Variants in TECPR2 observed in about 807,000 individuals in gnomAD.
TECPR2 encodes the protein tectonin beta-propeller repeat-containing protein 2.
Under a neutral mutation model 138.1 loss-of-function variants are expected in TECPR2, and 65 were observed. The ratio of observed to expected loss-of-function variants is 0.47; its 90% CI spans 0.39 to 0.58. The LOEUF (loss-of-function observed/expected upper bound fraction) is 0.58, where lower values mean the gene tolerates loss of function less well. TECPR2 is among the 20% of genes least tolerant of loss of function. The pLI, the probability that TECPR2 is intolerant of heterozygous loss-of-function variation, is 0.00. For synonymous variants in TECPR2, 746 were observed against 749.8 expected, an observed-to-expected ratio of 0.99 and a Z score of 0.08; for missense variants, 1,553 against 1,824.5, an observed-to-expected ratio of 0.85 and a Z score of 2.71.
Position 102,497,071 on chromosome 14 carries a change from C to T in TECPR2, c.3882C>T (p.Thr1294=), listed in dbSNP as rs145556234. 4.9e-5 allele frequency: 79 copies of T among 1,613,460 alleles called. No individual in the cohort carries two copies. In the East Asian group the frequency reaches 7.4e-4, roughly 15 times the overall value. Residue 1294 remains threonine, a synonymous_variant, in exon 18 of 20, where the codon ACC becomes ACT. Transcript: ENST00000359520. ...GCAGGTGGAACGTGCACGTGCGGAC[C>T]GGGATCACCGAGGAGATGCCTGTGG... The part of the protein sequence containing the change: ...LDSRWNVHVR[T]GITEEMPVGT...
chr14:102,362,980 T>A lies in TECPR2; in HGVS notation c.-209T>A. On this transcript the variant is annotated 5_prime_UTR_variant, in exon 1 of 20. Transcript: ENST00000359520. ...CGCTCTAGCCCCCGGCGGAGCCAGC[T>A]GCTGCTCTTCGGTGCTGGCCCCGGT... is the stretch of plus-strand genomic sequence containing the variant. The A allele has an allele frequency of 5.4e-6, 7 of 1,284,974 alleles. No individual in the cohort carries two copies. The highest frequency in any genetic ancestry group is 7.7e-6 in the Non-Finnish European group (7 of 911,360). 79.6% of individuals were successfully genotyped at this position (1,284,974 alleles called of 1,614,324 possible).
At chr14:102,422,104 G>A (rs755368175) in intron 5 of TECPR2, among the ~76,000 whole-genome samples, 28 of 152,238 alleles carry the variant, frequency 1.8e-4, no homozygotes, top group Middle Eastern at 3.4e-3. Context: ...GCAACCCAGC[G>A]ATTACCCCAC....
At chr14:102,371,788 A>G (rs1173263230) in intron 1 of TECPR2, among the ~76,000 whole-genome samples, 1 of 152,232 alleles carries the variant, frequency 6.6e-6, no homozygotes, top group Non-Finnish European at 1.5e-5. Flanking sequence ...TGGTTTATCC[A>G]TACAGTGTGT....
intron 10 of TECPR2, chr14:102,438,476 C>G: frequency 2.8e-6 from 1 of 362,128 alleles, no homozygotes. Flanking sequence ...AAGCTCTGAT[C>G]GTATTTTTGT....
intron 4 of TECPR2, 115 bp downstream of exon 4, chr14:102,408,734 C>T (rs1029894651): frequency 3.5e-6 from 4 of 1,133,750 alleles, no homozygotes; most frequent in Non-Finnish European, 4.9e-6. Context: ...CCTTTATAAT[C>T]TCAATTGTTA....
intron 17 of TECPR2, among the ~76,000 whole-genome samples, chr14:102,490,859 G>A (rs553581059): frequency 4.7e-4 from 72 of 152,270 alleles, no homozygotes; most frequent in Non-Finnish European, 8.4e-4. Context: ...GTCCTCAGAC[G>A]ACATGTGCTA....
At chr14:102,433,912 A>G (rs565711110) in intron 8 of TECPR2, among the ~76,000 whole-genome samples, 1 of 152,278 alleles carries the variant, frequency 6.6e-6, no homozygotes, top group East Asian at 1.9e-4. Context: ...TCTAGCTAAG[A>G]TGACTGCAAC....
Position 102,425,101 on chromosome 14 carries a change from C to T in TECPR2, c.761C>T (p.Thr254Met), listed in dbSNP as rs1346814772. The change falls in exon 6 of 20, where the codon ACG (threonine) becomes ATG (methionine). Residue 254 changes from threonine (T) to methionine (M), a missense_variant. Thr to Met is a moderately conservative substitution (Grantham distance 81). Transcript: ENST00000359520. ...KADVHGTVQA[T>M]FILKDAFAGG... ...GATGTCCACGGGACTGTTCAAGCCA[C>T]GTTTATCTTAAAAGATGCTTTTGCC... 1.2e-6 allele frequency: 2 copies of T among 1,614,000 alleles called. No homozygotes were observed. Among genetic ancestry groups the T allele is most frequent in the Non-Finnish European group, 1.7e-6 (2 of 1,180,050 alleles).
intron 13 of TECPR2, among the ~76,000 whole-genome samples, chr14:102,448,830 G>A (rs1190405277): frequency 1.3e-5 from 2 of 151,868 alleles, no homozygotes; most frequent in East Asian, 3.9e-4. Flanking sequence ...TTGCACCACT[G>A]CACTCCAGCC....
intron 17 of TECPR2, among the ~76,000 whole-genome samples, chr14:102,473,520 A>G (rs528839435): frequency 6.6e-6 from 1 of 152,322 alleles, no homozygotes; most frequent in Admixed American, 6.5e-5. Flanking sequence ...TGGAAAAGGA[A>G]ATGGAGGCAG....
At chr14:102,484,552 C>G (rs1016202959) in intron 17 of TECPR2, among the ~76,000 whole-genome samples, 7 of 151,876 alleles carry the variant, frequency 4.6e-5, no homozygotes. Context: ...GGAGTCGTTG[C>G]TTTTAGCCTT....
intron 12 of TECPR2, among the ~76,000 whole-genome samples, chr14:102,444,060 G>C (rs1009648801): frequency 6.6e-6 from 1 of 152,100 alleles, no homozygotes; most frequent in Non-Finnish European, 1.5e-5. Flanking sequence ...GCATCACAGC[G>C]TCATGAGTCT....
rs1363586320 is a variant in TECPR2 at position 102,431,792 on chromosome 14, T to A, written c.1085-4T>A. 1 of 1,543,622 alleles carries A rather than the reference T, an allele frequency of 6.5e-7. No individual in the cohort carries two copies. The highest frequency in any genetic ancestry group is 8.8e-7 in the Non-Finnish European group (1 of 1,140,866). On this transcript the variant is annotated splice_region_variant and splice_polypyrimidine_tract_variant and intron_variant, in intron 7 of 19. Transcript: ENST00000359520. Reference sequence around the variant, plus strand: ...AGTGGTAAAACCAGACTCTTCTTTCTTAGTGAGAGATGGTCTGGAGATGTC... The same window carrying A: ...AGTGGTAAAACCAGACTCTTCTTTCATAGTGAGAGATGGTCTGGAGATGTC...
rs3831019 is a variant in TECPR2, at chr14:102,438,214, C to CCCCGCTCCCTGCT, written c.2578+30_2578+42dup. The CCCCGCTCCCTGCT allele has an allele frequency of 2.5e-4, 400 of 1,590,812 alleles. 5 individuals are homozygous for CCCCGCTCCCTGCT. Among genetic ancestry groups the CCCCGCTCCCTGCT allele is most frequent in the South Asian group, 1.0e-3 (90 of 89,340 alleles). On this transcript the variant is annotated intron_variant, in intron 10 of 19. Coordinates refer to ENST00000359520, the MANE Select transcript of TECPR2 (RefSeq NM_014844.5). Reference sequence around the variant, plus strand: ...GGCAGTCTCGCCCTCAGGTTCGCCTCCCCGCTCCCTGCTCCCGCTCCCTGC... The same window carrying CCCCGCTCCCTGCT: ...GGCAGTCTCGCCCTCAGGTTCGCCTCCCCGCTCCCTGCTCCCGCTCCCTGCTCCCGCTCCCTGC...
chr14:102,386,202 C>T (rs1684069898), intron 2 of TECPR2, among the ~76,000 whole-genome samples: 1 of 152,054 alleles, frequency 6.6e-6, no homozygotes, highest in African/African-American at 2.4e-5. Flanking sequence ...GGCACGGTGG[C>T]TCACGCCTAT....
At chr14:102,459,919 GCACT>G (rs959129317) in intron 16 of TECPR2, among the ~76,000 whole-genome samples, 3 of 152,184 alleles carry the variant, frequency 2.0e-5, no homozygotes. Flanking sequence ...ACCTTGGGCA[GCACT>G]AACTCATTGT....
In TECPR2 at chr14:102,499,458, C is replaced by T. The variant is rs71417804; in HGVS notation, c.*1201C>T. On this transcript the variant is annotated 3_prime_UTR_variant, in exon 20 of 20. Transcript: ENST00000359520. ...GTTTGTCCTGAGCCTGCACTGTCCT[C>T]GCCTGCAGCCTCAGAGGGGCAGGCA... 7.2e-5 allele frequency: 39 copies of T among 542,482 alleles called. No homozygotes were observed. The highest frequency in any genetic ancestry group is 2.1e-4 in the South Asian group (10 of 46,750). The allele number at this position is 542,482 out of a possible 1,614,324, so 33.6% of individuals were successfully genotyped here.
intron 8 of TECPR2, among the ~76,000 whole-genome samples, chr14:102,433,594 C>T (rs1003678782): frequency 3.9e-5 from 6 of 152,000 alleles, no homozygotes; most frequent in Admixed American, 3.9e-4. Flanking sequence ...GATCTCGGCT[C>T]ACTGCAACTT....
At chr14:102,427,440 G>C (rs1428971256) in intron 6 of TECPR2, among the ~76,000 whole-genome samples, 1 of 152,206 alleles carries the variant, frequency 6.6e-6, no homozygotes, top group East Asian at 1.9e-4. Flanking sequence ...ATGACTGGCA[G>C]CTTTCGGAAA....
Sources: allele counts gnomAD v4.1 joint callset (sites outside exome capture counted in the v4.1 genomes callset), GRCh38; gene constraint gnomAD v4.1.1; transcripts MANE v1.5; gene names NCBI Gene and HGNC (gene_info 2026-07-23, HGNC 2026-07-21).